Variants in CD226 observed in about 807,000 individuals in gnomAD.
CD226 encodes CD226 antigen.
A neutral mutation model predicts 34.9 loss-of-function variants in CD226; 24 were observed. The ratio of observed to expected loss-of-function variants is 0.69; its 90% CI spans 0.50 to 0.97. The LOEUF (loss-of-function observed/expected upper bound fraction) is 0.97. Ranked by LOEUF, CD226 falls within the 50% of genes least tolerant of loss-of-function variation. CD226 has a pLI of 0.00. For missense variants in CD226, 397 were observed against 412.7 expected, an observed-to-expected ratio of 0.96 and a Z score of 0.33; for synonymous variants, 148 against 147.4, an observed-to-expected ratio of 1.00 and a Z score of -0.03.
At chr18:69,943,499 T>C (rs1195071049) in intron 2 of CD226, among the ~76,000 whole-genome samples, 1 of 152,250 alleles carries the variant, frequency 6.6e-6, no homozygotes, top group African/African-American at 2.4e-5. Context: ...AGAACACATA[T>C]TTTCAAATAA....
chr18:69,866,863 G>A (rs1983180077), intron 5 of CD226, among the ~76,000 whole-genome samples: 1 of 152,174 alleles, frequency 6.6e-6, no homozygotes, highest in African/African-American at 2.4e-5. Context: ...GAACAGTGAT[G>A]AGAGGGGCAG....
At position 69,903,641 on chromosome 18, in the gene CD226, G is replaced by A. The variant is rs555782176; in HGVS notation, c.383-7596C>T. 3.9e-5 allele frequency among the ~76,000 whole-genome samples: 6 copies of A among 152,100 alleles called. No homozygotes were observed. In the East Asian group the frequency reaches 5.8e-4, roughly 15 times the overall value. On this transcript the variant is annotated intron_variant, in intron 2 of 5. Transcript: ENST00000582621. ...TATGACCGTGTCCTTATAAAAAGGG[G>A]AAATTCTGACACAGGCATGAATACA...
At chr18:69,961,200 T>C (rs149228205), upstream of CD226, among the ~76,000 whole-genome samples, 118 of 152,360 alleles carry the variant, frequency 7.7e-4, no homozygotes, top group Non-Finnish European at 1.5e-3. Context: ...TATATATGAA[T>C]GTACCTCAAG....
At chr18:69,880,113 GA>G (rs1359403214) in intron 3 of CD226, among the ~76,000 whole-genome samples, 2 of 151,792 alleles carry the variant, frequency 1.3e-5, no homozygotes, top group Non-Finnish European at 2.9e-5. Flanking sequence ...ATAAATATGT[GA>G]GAACTTTTGT....
upstream of CD226, among the ~76,000 whole-genome samples, chr18:69,960,103 G>A (rs1397745488): frequency 6.6e-6 from 1 of 152,024 alleles, no homozygotes; most frequent in African/African-American, 2.4e-5. Context: ...AGCCAGTTGT[G>A]GTGGTGCACG....
intron 2 of CD226, among the ~76,000 whole-genome samples, chr18:69,943,516 A>T (rs1385929859): frequency 6.6e-6 from 1 of 152,250 alleles, no homozygotes; most frequent in Admixed American, 6.5e-5. Context: ...ATAACTTTGT[A>T]TTAGTAGTAC....
At chr18:69,949,832 GCA>G (rs1025011807), upstream of CD226, among the ~76,000 whole-genome samples, 13 of 147,634 alleles carry the variant, frequency 8.8e-5, no homozygotes, top group South Asian at 2.2e-4. Flanking sequence ...TCACATCCAC[GCA>G]CACTCACACT....
intron 2 of CD226, among the ~76,000 whole-genome samples, chr18:69,915,370 G>A (rs2055372939): frequency 1.3e-5 from 2 of 152,204 alleles, no homozygotes; most frequent in Admixed American, 6.5e-5. Flanking sequence ...TCATGCCATG[G>A]TTCTCCATTT....
chr18:69,864,685 T>C (rs1465189947), intron 5 of CD226, among the ~76,000 whole-genome samples: 1 of 152,234 alleles, frequency 6.6e-6, no homozygotes, highest in African/African-American at 2.4e-5. Context: ...TGTTTCAATG[T>C]AGAACTCCCT....
chr18:69,913,587 A>G (rs1259263579), intron 2 of CD226, among the ~76,000 whole-genome samples: 1 of 152,248 alleles, frequency 6.6e-6, no homozygotes, highest in Non-Finnish European at 1.5e-5. Flanking sequence ...GAGCAAACTC[A>G]GTAAACGTAT....
upstream of CD226, among the ~76,000 whole-genome samples, chr18:69,949,703 G>A (rs1413377371): frequency 6.6e-6 from 1 of 151,154 alleles, no homozygotes; most frequent in East Asian, 2.0e-4. Context: ...TCTCACATAT[G>A]CACCCACACA....
In CD226 at chr18:69,856,465, T is replaced by C. The variant is rs1019809375; in HGVS notation, c.*7849A>G. ...GGTGGTATCAATCAGTTTAATCTAATGGACATTTGTAGAATATTACACTCA... is the reference window on the plus strand; with the variant it reads ...GGTGGTATCAATCAGTTTAATCTAACGGACATTTGTAGAATATTACACTCA... On this transcript the variant is annotated 3_prime_UTR_variant, in exon 6 of 6. Coordinates refer to ENST00000582621, the MANE Select transcript of CD226 (RefSeq NM_001303618.2). 4 of 152,192 alleles carry C rather than the reference T, an allele frequency of 2.6e-5. No homozygotes were observed. The highest frequency in any genetic ancestry group is 9.6e-5 in the African/African-American group (4 of 41,460). The allele number at this position is 152,192 out of a possible 1,614,324, so 9.4% of individuals were successfully genotyped here.
chr18:69,871,142 G>C (rs1250599768), intron 4 of CD226, among the ~76,000 whole-genome samples: 3 of 152,172 alleles, frequency 2.0e-5, no homozygotes, highest in South Asian at 2.1e-4. Context: ...ACCCTGTGGA[G>C]GTTTGTCACC....
chr18:69,886,753 A>T (rs1430299590), intron 3 of CD226, among the ~76,000 whole-genome samples: 1 of 151,964 alleles, frequency 6.6e-6, no homozygotes, highest in African/African-American at 2.4e-5. Context: ...TTTTTTAAAA[A>T]AAGGAAACTT....
At chr18:69,954,024 C>T (rs1281222156) in intron 1 of CD226, among the ~76,000 whole-genome samples, 1 of 151,330 alleles carries the variant, frequency 6.6e-6, no homozygotes, top group East Asian at 1.9e-4. Flanking sequence ...AAAGTTTAAT[C>T]TTATGTTGAC....
intron 3 of CD226, among the ~76,000 whole-genome samples, chr18:69,895,305 G>A (rs1985203696): frequency 2.0e-5 from 3 of 152,146 alleles, no homozygotes; most frequent in Admixed American, 2.0e-4. Context: ...ACCTAGCACT[G>A]TCTTGTATTG....
At chr18:69,942,249 T>C (rs1443353856) in intron 2 of CD226, among the ~76,000 whole-genome samples, 2 of 152,230 alleles carry the variant, frequency 1.3e-5, no homozygotes, top group Admixed American at 1.3e-4. Context: ...TCTCCATGTA[T>C]ATACACATTG....
chr18:69,919,657 A>G (rs1198043046), intron 2 of CD226, among the ~76,000 whole-genome samples: 1 of 152,204 alleles, frequency 6.6e-6, no homozygotes, highest in Non-Finnish European at 1.5e-5. Context: ...GCACATTTTC[A>G]TCTTATTTCG....
chr18:69,947,251 G>T, intron 1 of CD226, 110 bp downstream of exon 1: 1 of 949,364 alleles, frequency 1.1e-6, no homozygotes, highest in Non-Finnish European at 1.6e-6. Context: ...CTGAACAAGT[G>T]AGAAATTATC....
Sources: gnomAD v4.1 joint callset for allele counts (sites outside exome capture counted in the v4.1 genomes callset) on GRCh38, gnomAD v4.1.1 for gene constraint, MANE v1.5 for transcripts, NCBI Gene and HGNC (gene_info 2026-07-23, HGNC 2026-07-21) for gene names.